The following LRRTM3 variants were observed in gnomAD, a reference collection of about 807,000 sequenced individuals.
LRRTM3 encodes the protein leucine rich repeat transmembrane neuronal 3.
In LRRTM3, 24 loss-of-function variants were observed where a neutral mutation model predicts 44.7. The ratio of observed to expected loss-of-function variants is 0.54; its 90% CI spans 0.39 to 0.76. The LOEUF (loss-of-function observed/expected upper bound fraction) is 0.76. Ranked by LOEUF, LRRTM3 falls within the 30% of genes least tolerant of loss-of-function variation. The pLI is 0.00. For synonymous variants in LRRTM3, 277 were observed against 278.7 expected, an observed-to-expected ratio of 0.99 and a Z score of 0.06; for missense variants, 587 against 702.2, an observed-to-expected ratio of 0.84 and a Z score of 1.85.
chr10:67,084,020 T>A (rs4745926), intron 2 of LRRTM3, among the ~76,000 whole-genome samples: 1 of 152,000 alleles, frequency 6.6e-6, no homozygotes, highest in African/African-American at 2.4e-5. Flanking sequence ...AGGAAGAGGT[T>A]CGTTGCTTTG....
chr10:67,091,806 G>A (rs1023135517), intron 2 of LRRTM3, among the ~76,000 whole-genome samples: 56 of 152,100 alleles, frequency 3.7e-4, no homozygotes, highest in African/African-American at 1.3e-3. Flanking sequence ...AGATTAAGCT[G>A]ACTTAATCTA....
chr10:66,987,587 T>C (rs1168592649), intron 2 of LRRTM3, among the ~76,000 whole-genome samples: 1 of 152,206 alleles, frequency 6.6e-6, no homozygotes, highest in Non-Finnish European at 1.5e-5. Context: ...ATTCATCCAG[T>C]TACTACTGTC....
intron 2 of LRRTM3, among the ~76,000 whole-genome samples, chr10:67,025,402 C>T (rs1853311646): frequency 6.6e-6 from 1 of 151,816 alleles, no homozygotes; most frequent in Non-Finnish European, 1.5e-5. Flanking sequence ...TTTTTACCTC[C>T]CCTATATAAT....
intron 2 of LRRTM3, among the ~76,000 whole-genome samples, chr10:67,051,232 G>A (rs763469739): frequency 1.6e-4 from 25 of 152,028 alleles, no homozygotes; most frequent in African/African-American, 3.9e-4. Flanking sequence ...AAATGAAGAC[G>A]TGAACTAAAT....
chr10:67,002,424 A>G (rs148413682), intron 2 of LRRTM3, among the ~76,000 whole-genome samples: 2,747 of 152,270 alleles, frequency 0.018, 86 homozygotes, highest in African/African-American at 0.062. Flanking sequence ...TTTTAATGAT[A>G]GGAAAAGTAA....
At chr10:66,996,416 C>T (rs1163809818) in intron 2 of LRRTM3, among the ~76,000 whole-genome samples, 4 of 151,926 alleles carry the variant, frequency 2.6e-5, no homozygotes, top group Non-Finnish European at 5.9e-5. Context: ...GAGGCCGAGA[C>T]GGGCAGATTG....
chr10:67,030,733 C>A (rs1036785388), intron 2 of LRRTM3, among the ~76,000 whole-genome samples: 1 of 152,018 alleles, frequency 6.6e-6, no homozygotes, highest in East Asian at 1.9e-4. Context: ...CGGTCAGATG[C>A]GGTGGCTCAC....
intron 2 of LRRTM3, among the ~76,000 whole-genome samples, chr10:67,001,320 A>C (rs1851679218): frequency 6.6e-6 from 1 of 151,146 alleles, no homozygotes. Context: ...AAAGAAAAAA[A>C]AAGAGAAAAA....
intron 2 of LRRTM3, among the ~76,000 whole-genome samples, chr10:66,952,858 C>A (rs939728692): frequency 1.3e-4 from 20 of 151,888 alleles, no homozygotes; most frequent in Admixed American, 5.9e-4. Flanking sequence ...AAGCCTGATA[C>A]AAAAACAGGT....
chr10:66,930,375 T>C (rs1259517466), intron 2 of LRRTM3, among the ~76,000 whole-genome samples: 2 of 152,204 alleles, frequency 1.3e-5, no homozygotes, highest in Non-Finnish European at 2.9e-5. Context: ...ACTGGATGAC[T>C]GAGCTTATTG....
chr10:67,067,388 C>T (rs1219648385), intron 2 of LRRTM3, among the ~76,000 whole-genome samples: 1 of 152,154 alleles, frequency 6.6e-6, no homozygotes, highest in Non-Finnish European at 1.5e-5. Context: ...AAATGATTTG[C>T]TCGTATTCAC....
chr10:67,095,148 A>G (rs1388269677), intron 2 of LRRTM3, among the ~76,000 whole-genome samples: 1 of 151,574 alleles, frequency 6.6e-6, no homozygotes, highest in African/African-American at 2.4e-5. Flanking sequence ...AACCTGGGAA[A>G]AATCTACTGT....
chr10:67,014,995 C>T (rs1016917225), intron 2 of LRRTM3, among the ~76,000 whole-genome samples: 5 of 151,938 alleles, frequency 3.3e-5, no homozygotes, highest in East Asian at 1.9e-4. Context: ...TTCAGGTAAA[C>T]GTTTCTTAAA....
intron 2 of LRRTM3, among the ~76,000 whole-genome samples, chr10:67,089,485 A>G (rs1857499886): frequency 1.3e-5 from 2 of 152,064 alleles, no homozygotes; most frequent in East Asian, 3.9e-4. Context: ...TAGGAGATAG[A>G]TTGCTCTTCG....
intron 2 of LRRTM3, among the ~76,000 whole-genome samples, chr10:67,089,787 G>GCC (rs1384123065): frequency 6.7e-6 from 1 of 148,958 alleles, no homozygotes; most frequent in Non-Finnish European, 1.5e-5. Context: ...TGTCTCCTAG[G>GCC]CCCCCCATCC....
chr10:67,003,402 T>C (rs1482251331), intron 2 of LRRTM3, among the ~76,000 whole-genome samples: 1 of 152,144 alleles, frequency 6.6e-6, no homozygotes, highest in Non-Finnish European at 1.5e-5. Context: ...ATATTTCCCA[T>C]AGTATGTTCC....
At chr10:67,056,755 C>T (rs1207853887) in intron 2 of LRRTM3, among the ~76,000 whole-genome samples, 1 of 152,136 alleles carries the variant, frequency 6.6e-6, no homozygotes, top group Non-Finnish European at 1.5e-5. Context: ...AGTTCAAGTA[C>T]TTTATATGAC....
chr10:67,083,451 T>A (rs1339154809), intron 2 of LRRTM3, among the ~76,000 whole-genome samples: 1 of 152,022 alleles, frequency 6.6e-6, no homozygotes, highest in East Asian at 1.9e-4. Flanking sequence ...TAAAGCAGAA[T>A]AACCTGATCC....
rs12262190 is a variant in LRRTM3 at position 67,037,988 on chromosome 10, C to T, written c.1537-59599C>T. Among the ~76,000 whole-genome samples, 1,090 of 152,034 alleles carry T rather than the reference C, an allele frequency of 7.2e-3. 5 individuals are homozygous for T. Among genetic ancestry groups the T allele is most frequent in the African/African-American group, 0.025 (1,046 of 41,498 alleles). On this transcript the variant is annotated intron_variant, in intron 2 of 2. Coordinates refer to ENST00000361320, the MANE Select transcript of LRRTM3 (RefSeq NM_178011.5). ...CATTAAGGGGATTAACATGAATAAA[C>T]AGAAAAAAATTCATGTAAGCCATAG...
Sources: gnomAD v4.1 joint callset for allele counts (sites outside exome capture counted in the v4.1 genomes callset) on GRCh38, gnomAD v4.1.1 for gene constraint, MANE v1.5 for transcripts, NCBI Gene and HGNC (gene_info 2026-07-23, HGNC 2026-07-21) for gene names.